Variants in CRYBG3 observed in about 807,000 individuals in gnomAD.
CRYBG3 encodes the protein very large A-kinase anchor protein.
CRYBG3 carries 127 observed loss-of-function variants against 244.2 expected under a neutral mutation model. That is an observed-to-expected ratio of 0.52 (90% confidence interval 0.45 to 0.60). The LOEUF is 0.60. Ranked by LOEUF, CRYBG3 falls within the 20% of genes least tolerant of loss-of-function variation. The probability of loss-of-function intolerance (pLI) is 0.00; values close to 1 mark genes in which losing one functional copy is unlikely to be tolerated. For synonymous variants in CRYBG3, 1,132 were observed against 1,195.8 expected, an observed-to-expected ratio of 0.95 and a Z score of 1.10; for missense variants, 3,325 against 3,442.5, an observed-to-expected ratio of 0.97 and a Z score of 0.85.
rs1190021437 is a variant in CRYBG3, at chr3:97,942,442, AGGT to A, written c.8824+2_8824+4del. The A allele has an allele frequency of 6.2e-7, 1 of 1,608,086 alleles. No individual in the cohort carries two copies. Among genetic ancestry groups the A allele is most frequent in the Non-Finnish European group, 8.5e-7 (1 of 1,176,624 alleles). The stretch of plus-strand genomic sequence containing the variant: ...GTGATCAACTTGTCCTTGATGTTAA[AGGT>A]GGGCCTTTGATGATACCCAATGTTG... On this transcript the variant is annotated splice_donor_variant and coding_sequence_variant, in exon 21 of 22. Transcript: ENST00000389622. LOFTEE classifies it high-confidence loss of function.
At chr3:97,886,499 T>G (rs1250460045) in intron 7 of CRYBG3, 132 bp from the exon 8 acceptor site, 1 of 648,366 alleles carries the variant, frequency 1.5e-6, no homozygotes, top group Non-Finnish European at 2.4e-6. Context: ...GAAACAATAT[T>G]TCCTTTATGT....
rs1409513811 is a variant in CRYBG3 at position 97,915,655 on chromosome 3, G to A, written c.8160G>A (p.Val2720=). The change falls in exon 17 of 22, where the codon GTG becomes GTA. Residue 2720 remains valine (V), a synonymous_variant. Transcript: ENST00000389622. ...AAGACATGTTTGTTAATCACTGTGTGTTAGAAGAAGGCCTCTATGCTGACC... is the reference window on the plus strand; with the variant it reads ...AAGACATGTTTGTTAATCACTGTGTATTAGAAGAAGGCCTCTATGCTGACC... The part of the protein sequence containing the change: ...YQEDMFVNHC[V]LEEGLYADLT... 8.1e-6 allele frequency: 13 copies of A among 1,612,836 alleles called. No individual in the cohort carries two copies. Among genetic ancestry groups the A allele is most frequent in the Non-Finnish European group, 7.6e-6 (9 of 1,179,180 alleles).
At position 97,914,321 on chromosome 3, in the gene CRYBG3, T is replaced by G. The variant is rs144471458; in HGVS notation, c.8115-1289T>G. Among the ~76,000 whole-genome samples the G allele has an allele frequency of 5.6e-3, 855 of 152,260 alleles. 5 individuals carry two copies. The highest frequency in any genetic ancestry group is 0.017 in the African/African-American group (720 of 41,568). On this transcript the variant is annotated intron_variant, in intron 16 of 21. Transcript: ENST00000389622. ...TTTGTTACTATTATTTGGCTCTAAG[T>G]TCCTTCTCCACTAAGATAAAAGAAA...
At chr3:97,853,399 CAT>C (rs1289170286) in intron 2 of CRYBG3, among the ~76,000 whole-genome samples, 18 of 115,476 alleles carry the variant, frequency 1.6e-4, no homozygotes, top group African/African-American at 5.2e-4. Context: ...CACACACACA[CAT>C]ACAATACACA....
intron 2 of CRYBG3, among the ~76,000 whole-genome samples, chr3:97,858,186 G>A (rs7652462): frequency 0.68 from 100,669 of 147,216 alleles, 36,885 homozygotes; most frequent in East Asian, 0.82. Flanking sequence ...TTTTTCTTTC[G>A]GCAACTTGAA....
intron 6 of CRYBG3, 48 bp downstream of exon 6, chr3:97,880,148 T>C (rs1559731175): frequency 1.0e-6 from 1 of 956,242 alleles, no homozygotes; most frequent in Non-Finnish European, 1.6e-6. Flanking sequence ...AAATTAAATG[T>C]GTCTTCTTGC....
At chr3:97,881,711 G>A (rs1248181542) in intron 7 of CRYBG3, among the ~76,000 whole-genome samples, 1 of 151,916 alleles carries the variant, frequency 6.6e-6, no homozygotes. Flanking sequence ...GTGAGATTCA[G>A]TCTCAAAAAG....
At chr3:97,897,924 G>T (rs1388457536) in intron 12 of CRYBG3, among the ~76,000 whole-genome samples, 1 of 152,054 alleles carries the variant, frequency 6.6e-6, no homozygotes, top group East Asian at 1.9e-4. Flanking sequence ...CTTTCTTTAA[G>T]AAATGAAAGT....
chr3:97,882,593 C>G (rs750956422), intron 7 of CRYBG3, among the ~76,000 whole-genome samples: 11 of 152,098 alleles, frequency 7.2e-5, no homozygotes, highest in Non-Finnish European at 1.2e-4. Context: ...CACATGTATT[C>G]TTAAGATTTC....
chr3:97,890,331 A>G (rs1202285407), intron 10 of CRYBG3, among the ~76,000 whole-genome samples: 2 of 152,206 alleles, frequency 1.3e-5, no homozygotes, highest in Admixed American at 1.3e-4. Context: ...GTCAAGATGT[A>G]AAAGATGTAC....
At chr3:97,862,523 A>G (rs1303661038) in intron 2 of CRYBG3, among the ~76,000 whole-genome samples, 4 of 152,204 alleles carry the variant, frequency 2.6e-5, no homozygotes, top group Admixed American at 6.5e-5. Context: ...TATTGTGGCT[A>G]AAAGTTACAA....
At chr3:97,900,341 CTG>C (rs769323372) in intron 14 of CRYBG3, 110 bp from the exon 15 acceptor site, 53 of 649,260 alleles carry the variant, frequency 8.2e-5, no homozygotes, top group Non-Finnish European at 1.2e-4. Flanking sequence ...GAGGAATACT[CTG>C]TCTCAAAAAA....
rs769528601 is a variant in CRYBG3, at chr3:97,845,037, C to T, written c.216+1776C>T. On this transcript the variant is annotated intron_variant, in intron 2 of 21. Coordinates refer to ENST00000389622, the MANE Select transcript of CRYBG3 (RefSeq NM_153605.4). ...TAACTTTTTAAAAAACCTTCTGGAA[C>T]CTACTGGTAGGATTTCTTCAACCTA... 4.8e-4 allele frequency among the ~76,000 whole-genome samples: 73 copies of T among 152,158 alleles called. 2 individuals are homozygous for T. Among genetic ancestry groups the T allele is most frequent in the Non-Finnish European group, 2.8e-4 (19 of 68,032 alleles).
chr3:97,838,642 A>G (rs368884279), intron 1 of CRYBG3, among the ~76,000 whole-genome samples: 2 of 152,238 alleles, frequency 1.3e-5, no homozygotes, highest in Middle Eastern at 3.4e-3. Flanking sequence ...AGCACCAAGA[A>G]CGGTGCCTGA....
chr3:97,941,591 A>G (rs2040232294), intron 20 of CRYBG3, among the ~76,000 whole-genome samples: 1 of 151,962 alleles, frequency 6.6e-6, no homozygotes, highest in Non-Finnish European at 1.5e-5. Flanking sequence ...CACCAGATCT[A>G]AGTTGGACAA....
intron 15 of CRYBG3, among the ~76,000 whole-genome samples, chr3:97,907,914 T>A (rs1416860696): frequency 1.3e-5 from 2 of 151,800 alleles, no homozygotes; most frequent in Non-Finnish European, 2.9e-5. Flanking sequence ...ACACACTGCT[T>A]TGAATGCGTC....
intron 1 of CRYBG3, among the ~76,000 whole-genome samples, chr3:97,837,950 G>A (rs1181311914): frequency 6.6e-6 from 1 of 152,024 alleles, no homozygotes; most frequent in Non-Finnish European, 1.5e-5. Context: ...TTACAGGAGG[G>A]GAGGAGAGCT....
At chr3:97,939,859 T>C (rs75436741) in intron 19 of CRYBG3, among the ~76,000 whole-genome samples, 3,178 of 152,122 alleles carry the variant, frequency 0.021, 63 homozygotes, top group Non-Finnish European at 0.027. Context: ...GGCCAGATAA[T>C]TTGTCCTTCT....
intron 17 of CRYBG3, among the ~76,000 whole-genome samples, chr3:97,925,368 G>T (rs2040028012): frequency 1.3e-5 from 2 of 152,192 alleles, no homozygotes; most frequent in South Asian, 2.1e-4. Context: ...TGGCTTAGTT[G>T]CAGGGAAGTA....
Sources: allele counts gnomAD v4.1 joint callset (sites outside exome capture counted in the v4.1 genomes callset), GRCh38; gene constraint gnomAD v4.1.1; transcripts MANE v1.5; gene names NCBI Gene and HGNC (gene_info 2026-07-23, HGNC 2026-07-21).